Variants in ZNF532 observed in about 807,000 individuals in gnomAD.
ZNF532 encodes the protein zinc finger protein 532.
In ZNF532, 22 loss-of-function variants were observed where a neutral mutation model predicts 89.3. The observed-to-expected ratio is 0.25, with a 90% CI of 0.18 to 0.35. The LOEUF (loss-of-function observed/expected upper bound fraction) is 0.35, where lower values mean the gene tolerates loss of function less well. Among genes scored for constraint, ZNF532 ranks in the 10% least tolerant of loss-of-function variants. ZNF532 has a pLI of 1.00. For missense variants in ZNF532, 1,132 were observed against 1,643.4 expected, an observed-to-expected ratio of 0.69 and a Z score of 5.38; for synonymous variants, 606 against 649.6, an observed-to-expected ratio of 0.93 and a Z score of 1.02.
intron 2 of ZNF532, among the ~76,000 whole-genome samples, chr18:58,885,644 C>T (rs1002653396): frequency 6.6e-6 from 1 of 151,978 alleles, no homozygotes; most frequent in Non-Finnish European, 1.5e-5. Context: ...TACTTGAGGT[C>T]AGTAGATTGA....
chr18:58,893,605 CGTT>C (rs2059052018), intron 2 of ZNF532, among the ~76,000 whole-genome samples: 1 of 148,654 alleles, frequency 6.7e-6, no homozygotes, highest in Non-Finnish European at 1.5e-5. Flanking sequence ...CACAGTGACT[CGTT>C]ATCATGTCAC....
At chr18:58,935,198 C>T (rs1467032611) in intron 4 of ZNF532, among the ~76,000 whole-genome samples, 1 of 105,758 alleles carries the variant, frequency 9.5e-6, no homozygotes, top group African/African-American at 3.6e-5. Flanking sequence ...CCCCTCTCCT[C>T]CTCCTCCCCT....
At chr18:58,907,426 C>T (rs868444372) in intron 2 of ZNF532, among the ~76,000 whole-genome samples, 2 of 151,940 alleles carry the variant, frequency 1.3e-5, no homozygotes, top group Non-Finnish European at 2.9e-5. Context: ...CCTCGTGATC[C>T]CCCCTGCCCA....
At chr18:58,890,957 A>G (rs1184578598) in intron 2 of ZNF532, among the ~76,000 whole-genome samples, 1 of 150,992 alleles carries the variant, frequency 6.6e-6, no homozygotes, top group Non-Finnish European at 1.5e-5. Flanking sequence ...TGATCCTCCC[A>G]CCTCAGCCTC....
At chr18:58,972,838 A>G (rs1033446715) in intron 7 of ZNF532, among the ~76,000 whole-genome samples, 1 of 152,176 alleles carries the variant, frequency 6.6e-6, no homozygotes, top group Non-Finnish European at 1.5e-5. Context: ...TTACTCCATG[A>G]TTACTTCGTA....
rs550105857 is a variant in ZNF532, at chr18:58,961,629, G to A, written c.3150+7830G>A. ...AGTAGTATTTGTCACCTGCAGTAAG[G>A]TGGCCACAGTGAATCTAAACAGGGA... On this transcript the variant is annotated intron_variant, in intron 7 of 9. Coordinates refer to ENST00000591808, the MANE Select transcript of ZNF532 (RefSeq NM_001375912.1). 3.3e-5 allele frequency among the ~76,000 whole-genome samples: 5 copies of A among 152,336 alleles called. No homozygotes were observed. In the South Asian group the frequency reaches 1.0e-3, roughly 32 times the overall value.
intron 7 of ZNF532, among the ~76,000 whole-genome samples, chr18:58,978,745 A>G (rs1006845518): frequency 2.6e-5 from 4 of 152,252 alleles, no homozygotes; most frequent in African/African-American, 9.6e-5. Flanking sequence ...ATCTTGGAAT[A>G]TTCAAATATA....
chr18:58,978,902 T>G (rs945430926), intron 7 of ZNF532, among the ~76,000 whole-genome samples, 153 bp from the exon 8 acceptor site: 2 of 152,242 alleles, frequency 1.3e-5, no homozygotes, highest in Non-Finnish European at 2.9e-5. Context: ...AGGTCAGATA[T>G]GACATTTTCC....
chr18:58,933,829 A>ATT (rs141122942), intron 3 of ZNF532, among the ~76,000 whole-genome samples: 4,140 of 152,220 alleles, frequency 0.027, 142 homozygotes, highest in African/African-American at 0.079. Flanking sequence ...TAATGTCTAA[A>ATT]TTTGTATACT....
chr18:58,922,912 T>G (rs2061231867), intron 3 of ZNF532, among the ~76,000 whole-genome samples: 1 of 152,184 alleles, frequency 6.6e-6, no homozygotes, highest in African/African-American at 2.4e-5. Context: ...TTTTTGTTCT[T>G]TATTAACCTT....
At chr18:58,970,079 T>G (rs2066318499) in intron 7 of ZNF532, among the ~76,000 whole-genome samples, 1 of 151,984 alleles carries the variant, frequency 6.6e-6, no homozygotes, top group African/African-American at 2.4e-5. Context: ...AGAGATGGGG[T>G]TTCACTATGT....
intron 2 of ZNF532, among the ~76,000 whole-genome samples, chr18:58,912,421 G>A (rs2060336754): frequency 6.6e-6 from 1 of 152,208 alleles, no homozygotes; most frequent in Non-Finnish European, 1.5e-5. Flanking sequence ...CGTATAAACT[G>A]TATTTGTACG....
At chr18:58,870,013 G>A (rs1440235582) in intron 2 of ZNF532, among the ~76,000 whole-genome samples, 2 of 150,328 alleles carry the variant, frequency 1.3e-5, no homozygotes, top group South Asian at 2.1e-4. Context: ...TGATCCGCCC[G>A]CCTCAACCTC....
Position 58,899,063 on chromosome 18 carries a change from G to A in ZNF532, c.-17-19208G>A, listed in dbSNP as rs568354525. Among the ~76,000 whole-genome samples, 3 of 152,350 alleles carry A rather than the reference G, an allele frequency of 2.0e-5. No individual in the cohort carries two copies. The South Asian group carries it at 6.2e-4, about 32-fold the overall frequency. ...CACAGGTGCTGAGTGCGCGTAGATT[G>A]CTGTGGGGATCCATGCGTTCACAGC... is the stretch of plus-strand genomic sequence containing the variant. On this transcript the variant is annotated intron_variant, in intron 2 of 9. Transcript: ENST00000591808.
At chr18:58,939,279 A>G (rs566435703) in intron 4 of ZNF532, among the ~76,000 whole-genome samples, 166 bp from the exon 5 acceptor site, 3 of 143,868 alleles carry the variant, frequency 2.1e-5, no homozygotes, top group East Asian at 3.9e-4. Context: ...AAAAAAACCC[A>G]TAAACAATTA....
At chr18:58,942,215 G>A (rs1190731510) in intron 5 of ZNF532, among the ~76,000 whole-genome samples, 1 of 151,082 alleles carries the variant, frequency 6.6e-6, no homozygotes, top group African/African-American at 2.4e-5. Flanking sequence ...GTAGAGATGG[G>A]GTTTCACCGT....
chr18:58,895,990 C>T (rs1337344968), intron 2 of ZNF532, among the ~76,000 whole-genome samples: 2 of 151,766 alleles, frequency 1.3e-5, no homozygotes, highest in Non-Finnish European at 1.5e-5. Flanking sequence ...TAGCTGAGAC[C>T]ACAGGTACAT....
At chr18:58,969,200 C>T (rs1047626827) in intron 7 of ZNF532, among the ~76,000 whole-genome samples, 1 of 152,110 alleles carries the variant, frequency 6.6e-6, no homozygotes, top group Non-Finnish European at 1.5e-5. Flanking sequence ...TTTCCACAGC[C>T]ACCTCGAGTT....
At chr18:58,888,889 T>TAA (rs1555709716) in intron 2 of ZNF532, among the ~76,000 whole-genome samples, 1 of 39,436 alleles carries the variant, frequency 2.5e-5, no homozygotes, top group Non-Finnish European at 4.1e-5. Flanking sequence ...TATATATATA[T>TAA]TTTATATATA....
Sources: allele counts gnomAD v4.1 joint callset (sites outside exome capture counted in the v4.1 genomes callset), GRCh38; gene constraint gnomAD v4.1.1; transcripts MANE v1.5; gene names NCBI Gene and HGNC (gene_info 2026-07-23, HGNC 2026-07-21).